STXBP5L: variants seen among roughly 807,000 people sequenced by gnomAD.
STXBP5L encodes syntaxin-binding protein 5-like.
STXBP5L carries 65 observed loss-of-function variants against 144.5 expected under a neutral mutation model. The observed-to-expected ratio is 0.45, with a 90% confidence interval of 0.37 to 0.55. The LOEUF is 0.55. Ranked by LOEUF, STXBP5L falls within the 20% of genes least tolerant of loss-of-function variation. STXBP5L has a pLI of 0.00. For missense variants in STXBP5L, 1,298 were observed against 1,405.5 expected, an observed-to-expected ratio of 0.92 and a Z score of 1.22; for synonymous variants, 505 against 469.6, an observed-to-expected ratio of 1.08 and a Z score of -0.97.
chr3:120,991,392 A>G (rs1015939251), intron 3 of STXBP5L, among the ~76,000 whole-genome samples: 5 of 151,866 alleles, frequency 3.3e-5, no homozygotes, highest in South Asian at 2.1e-4. Context: ...GGGACTGTAA[A>G]CTAGTTCAAC....
At chr3:121,298,656 TAGA>T (rs934697267) in intron 19 of STXBP5L, among the ~76,000 whole-genome samples, 5 of 152,116 alleles carry the variant, frequency 3.3e-5, no homozygotes, top group African/African-American at 7.2e-5. Flanking sequence ...AAGCCAGTCA[TAGA>T]AGGACAAATA....
intron 9 of STXBP5L, among the ~76,000 whole-genome samples, chr3:121,184,195 A>C (rs1304522218): frequency 6.6e-6 from 1 of 152,076 alleles, no homozygotes; most frequent in African/African-American, 2.4e-5. Flanking sequence ...CAAGGGAACA[A>C]AACTGGACAG....
At position 121,259,067 on chromosome 3, in the gene STXBP5L, G is replaced by T; in HGVS notation, c.1857G>T (p.Met619Ile). ...GTGTGAAGACACGGCCAGTGCGAAT[G>T]CCTCCAGGATATCAAGCAGAACTTG... ...CLNVKTRPVR[M>I]PPGYQAELVI... Residue 619 changes from methionine to isoleucine, a missense_variant, in exon 18 of 27, where the codon ATG becomes ATT. Physicochemically the swap from Met to Ile is conservative, Grantham distance 10. Coordinates refer to ENST00000471454, the MANE Select transcript of STXBP5L (RefSeq NM_001308330.2). 1 of 1,604,864 alleles carries T rather than the reference G, an allele frequency of 6.2e-7. No individual in the cohort carries two copies. The highest frequency in any genetic ancestry group is 8.5e-7 in the Non-Finnish European group (1 of 1,174,542).
intron 20 of STXBP5L, among the ~76,000 whole-genome samples, chr3:121,325,985 C>T (rs567066226): frequency 6.7e-6 from 1 of 150,354 alleles, no homozygotes; most frequent in South Asian, 2.1e-4. Context: ...TATTTGGCCT[C>T]CTATTATGTC....
intron 5 of STXBP5L, among the ~76,000 whole-genome samples, chr3:121,114,486 G>A (rs1392113467): frequency 6.6e-6 from 1 of 152,080 alleles, no homozygotes; most frequent in Non-Finnish European, 1.5e-5. Flanking sequence ...TGAAATTCAT[G>A]TATTTGAAGC....
chr3:121,133,300 G>A (rs1309673966), intron 7 of STXBP5L, among the ~76,000 whole-genome samples: 2 of 152,104 alleles, frequency 1.3e-5, no homozygotes, highest in African/African-American at 4.8e-5. Flanking sequence ...CAAATAAAAT[G>A]AACCCAAAGA....
At chr3:121,392,753 T>G (rs888055419) in intron 22 of STXBP5L, among the ~76,000 whole-genome samples, 1 of 139,896 alleles carries the variant, frequency 7.1e-6, no homozygotes, top group Non-Finnish European at 1.5e-5. Context: ...TTATTATGAC[T>G]GAGTAGTATT....
chr3:121,194,070 T>A (rs1417969809), intron 9 of STXBP5L, among the ~76,000 whole-genome samples: 1 of 152,140 alleles, frequency 6.6e-6, no homozygotes, highest in East Asian at 1.9e-4. Context: ...CCATTTAAAG[T>A]ATATGATTCA....
chr3:121,414,857 G>GT (rs2047196626), intron 24 of STXBP5L, among the ~76,000 whole-genome samples: 1 of 152,190 alleles, frequency 6.6e-6, no homozygotes, highest in South Asian at 2.1e-4. Context: ...ATGGCAGTTG[G>GT]TTTTCAGGAA....
At chr3:121,173,323 T>TATAATAATAATAATA (rs35583909) in intron 9 of STXBP5L, among the ~76,000 whole-genome samples, 4,263 of 146,480 alleles carry the variant, frequency 0.029, 68 homozygotes, top group Non-Finnish European at 0.031. Flanking sequence ...GAACTTAAAA[T>TATAATAATAATAATA]ATAATAATAA....
chr3:121,025,982 T>C (rs928730476), intron 3 of STXBP5L, among the ~76,000 whole-genome samples: 3 of 146,442 alleles, frequency 2.0e-5, no homozygotes, highest in African/African-American at 7.4e-5. Flanking sequence ...ATGTTAATAA[T>C]ATATTAGTAT....
intron 10 of STXBP5L, among the ~76,000 whole-genome samples, chr3:121,219,375 C>T (rs1192401126): frequency 6.6e-6 from 1 of 151,722 alleles, no homozygotes; most frequent in Non-Finnish European, 1.5e-5. Context: ...AAGAGCTCTA[C>T]CATATAAGCT....
At chr3:121,184,797 G>A (rs1354020053) in intron 9 of STXBP5L, among the ~76,000 whole-genome samples, 1 of 152,158 alleles carries the variant, frequency 6.6e-6, no homozygotes, top group Non-Finnish European at 1.5e-5. Flanking sequence ...AAGAAAAAAT[G>A]TTAAGGGCAG....
intron 7 of STXBP5L, among the ~76,000 whole-genome samples, chr3:121,132,388 G>T (rs756865966): frequency 6.6e-6 from 1 of 152,188 alleles, no homozygotes; most frequent in Non-Finnish European, 1.5e-5. Context: ...GTGGTGGCTT[G>T]AGCTGGTAGA....
At chr3:121,402,494 T>C (rs1393817329) in intron 22 of STXBP5L, among the ~76,000 whole-genome samples, 1 of 152,192 alleles carries the variant, frequency 6.6e-6, no homozygotes, top group African/African-American at 2.4e-5. Flanking sequence ...AATTTCACAG[T>C]CAAGCTCTAT....
intron 5 of STXBP5L, among the ~76,000 whole-genome samples, chr3:121,091,096 A>G (rs1218878198): frequency 6.7e-6 from 1 of 150,050 alleles, no homozygotes; most frequent in Non-Finnish European, 1.5e-5. Context: ...TGTCCCTACA[A>G]AGGACATGAA....
intron 9 of STXBP5L, among the ~76,000 whole-genome samples, chr3:121,187,125 G>T (rs1010130574): frequency 1.6e-4 from 24 of 152,058 alleles, no homozygotes; most frequent in African/African-American, 5.8e-4. Flanking sequence ...GTATGTTTAT[G>T]GTGGCACTAT....
intron 5 of STXBP5L, among the ~76,000 whole-genome samples, chr3:121,105,923 G>T (rs1271466314): frequency 2.0e-5 from 3 of 151,946 alleles, no homozygotes; most frequent in Non-Finnish European, 4.4e-5. Context: ...ATTTTATTTT[G>T]TTTTTATACC....
intron 20 of STXBP5L, among the ~76,000 whole-genome samples, chr3:121,339,972 C>A (rs2044647731): frequency 6.6e-6 from 1 of 152,036 alleles, no homozygotes; most frequent in Non-Finnish European, 1.5e-5. Flanking sequence ...CACAAATGAT[C>A]ATATTGCTCA....
Sources: allele counts gnomAD v4.1 joint callset (sites outside exome capture counted in the v4.1 genomes callset), GRCh38; gene constraint gnomAD v4.1.1; transcripts MANE v1.5; gene names NCBI Gene and HGNC (gene_info 2026-07-23, HGNC 2026-07-21).